CCDC102B: variants seen among roughly 807,000 people sequenced by gnomAD.
CCDC102B encodes coiled-coil domain-containing protein 102B.
Under a neutral mutation model 57.4 loss-of-function variants are expected in CCDC102B, and 75 were observed. The ratio of observed to expected loss-of-function variants is 1.31; its 90% CI spans 1.08 to 1.58. The LOEUF (loss-of-function observed/expected upper bound fraction) is 1.58, where lower values mean the gene tolerates loss of function less well. Ranked by LOEUF, CCDC102B falls within the 40% of genes most tolerant of loss-of-function variation. The pLI, the probability that CCDC102B is intolerant of heterozygous loss-of-function variation, is 0.00. For synonymous variants in CCDC102B, 206 were observed against 201.9 expected, an observed-to-expected ratio of 1.02 and a Z score of -0.17; for missense variants, 636 against 582.6, an observed-to-expected ratio of 1.09 and a Z score of -0.94.
chr18:69,006,804 AAT>A lies in CCDC102B; in HGVS notation c.1264-4129_1264-4128del, dbSNP rs1599838150. 3.9e-5 allele frequency among the ~76,000 whole-genome samples: 6 copies of A among 152,262 alleles called. No individual in the cohort carries two copies. The East Asian group carries it at 1.2e-3, about 29-fold the overall frequency. ...CTGAAAGTAAAATAGAGAGGATATG[AAT>A]TAATGGATCAAAATGTCAAATAACT... On this transcript the variant is annotated intron_variant, in intron 6 of 7. Transcript: ENST00000360242.
chr18:68,718,230 A>G (rs374356037), intron 2 of CCDC102B: 1 of 152,268 alleles, frequency 6.6e-6, no homozygotes, highest in Non-Finnish European at 1.5e-5. Flanking sequence ...CTATAGCAGG[A>G]CAGTTTGTAA....
At chr18:69,031,365 A>T (rs2052139283) in intron 7 of CCDC102B, among the ~76,000 whole-genome samples, 1 of 151,244 alleles carries the variant, frequency 6.6e-6, no homozygotes, top group African/African-American at 2.4e-5. Context: ...CATAAAACTT[A>T]CTTATTTTCT....
At chr18:68,872,986 T>C (rs2051301) in intron 4 of CCDC102B, among the ~76,000 whole-genome samples, 47,286 of 152,046 alleles carry the variant, frequency 0.31, 7,758 homozygotes, top group South Asian at 0.41. Context: ...TATTATTGGA[T>C]TTAATTCCCT....
chr18:69,002,511 C>T (rs966409722), intron 6 of CCDC102B, among the ~76,000 whole-genome samples: 4 of 152,138 alleles, frequency 2.6e-5, no homozygotes, highest in African/African-American at 7.2e-5. Flanking sequence ...AATATGAACC[C>T]AGTCCTTGGC....
intron 6 of CCDC102B, among the ~76,000 whole-genome samples, chr18:68,998,310 TATACA>T (rs1417494748): frequency 3.0e-5 from 3 of 100,240 alleles, no homozygotes; most frequent in Admixed American, 1.2e-4. Flanking sequence ...TACACACATA[TATACA>T]CATGTGTCTC....
At chr18:68,727,433 T>C (rs1385844707) in intron 2 of CCDC102B, among the ~76,000 whole-genome samples, 1 of 152,244 alleles carries the variant, frequency 6.6e-6, no homozygotes, top group African/African-American at 2.4e-5. Context: ...CTACCTCTTA[T>C]GTCATGAGTA....
At chr18:68,975,059 C>T (rs1426044573) in intron 6 of CCDC102B, among the ~76,000 whole-genome samples, 1 of 151,976 alleles carries the variant, frequency 6.6e-6, no homozygotes, top group Non-Finnish European at 1.5e-5. Flanking sequence ...CATCTCCCAA[C>T]AGGCAAACAA....
At chr18:68,724,919 G>A (rs760225871) in intron 2 of CCDC102B, among the ~76,000 whole-genome samples, 2 of 152,124 alleles carry the variant, frequency 1.3e-5, no homozygotes, top group Non-Finnish European at 2.9e-5. Context: ...CTCTTGCTGC[G>A]ATGAGGAAAT....
intron 2 of CCDC102B, among the ~76,000 whole-genome samples, chr18:68,746,775 G>T (rs1178568305): frequency 6.6e-6 from 1 of 151,266 alleles, no homozygotes; most frequent in African/African-American, 2.4e-5. Context: ...ATATAATTGA[G>T]ATATAAAAAC....
At chr18:68,960,880 G>A (rs1015087898) in intron 6 of CCDC102B, among the ~76,000 whole-genome samples, 2 of 152,106 alleles carry the variant, frequency 1.3e-5, no homozygotes, top group African/African-American at 2.4e-5. Context: ...TGGGGAAGGT[G>A]GTGTTAGCAA....
At chr18:68,789,374 C>G (rs1485655979) in intron 2 of CCDC102B, among the ~76,000 whole-genome samples, 1 of 152,086 alleles carries the variant, frequency 6.6e-6, no homozygotes, top group South Asian at 2.1e-4. Flanking sequence ...TGAACGTTGG[C>G]CTGCTTTGCT....
chr18:68,994,303 A>G (rs1394254431), intron 6 of CCDC102B, among the ~76,000 whole-genome samples: 4 of 152,196 alleles, frequency 2.6e-5, no homozygotes, highest in Non-Finnish European at 5.9e-5. Flanking sequence ...TATTCATTGT[A>G]TATTTGTAAA....
Position 69,051,237 on chromosome 18 carries a change from A to AT in CCDC102B, c.1435-2786dup, listed in dbSNP as rs199976040. Reference sequence around the variant, plus strand: ...CAACAAAACTTATAAAATACATTTTATTTTTTTGGAAAAATAACTTTAAAG... The same window carrying AT: ...CAACAAAACTTATAAAATACATTTTATTTTTTTTGGAAAAATAACTTTAAAG... On this transcript the variant is annotated intron_variant, in intron 7 of 7. Transcript: ENST00000360242. Among the ~76,000 whole-genome samples, 1,348 of 137,458 alleles carry AT rather than the reference A, an allele frequency of 9.8e-3. 17 individuals carry two copies. The highest frequency in any genetic ancestry group is 0.015 in the South Asian group (72 of 4,814). 90.2% of individuals were successfully genotyped at this position (137,458 alleles called of 152,430 possible). A position where few individuals can be genotyped will look rare whatever the true frequency, so the allele number is the denominator to read the frequency against.
chr18:68,839,815 G>A (rs531259407), intron 3 of CCDC102B, among the ~76,000 whole-genome samples: 9 of 152,112 alleles, frequency 5.9e-5, no homozygotes, highest in Non-Finnish European at 8.8e-5. Context: ...AGAAGAAAAC[G>A]CCATTTGAAT....
At chr18:68,857,578 A>G (rs2038536888) in intron 4 of CCDC102B, among the ~76,000 whole-genome samples, 1 of 150,924 alleles carries the variant, frequency 6.6e-6, no homozygotes, top group Non-Finnish European at 1.5e-5. Flanking sequence ...GCTCAATACA[A>G]AACCATATGC....
intron 2 of CCDC102B, among the ~76,000 whole-genome samples, chr18:68,764,014 T>C (rs2034343876): frequency 6.6e-6 from 1 of 152,084 alleles, no homozygotes. Context: ...CTTTTTTTAA[T>C]CAGGAAATTG....
chr18:68,885,017 A>T (rs1252258506), intron 5 of CCDC102B, among the ~76,000 whole-genome samples: 3 of 151,950 alleles, frequency 2.0e-5, no homozygotes, highest in Non-Finnish European at 2.9e-5. Context: ...ATTTATTTTT[A>T]AAAAATAATT....
At position 69,049,731 on chromosome 18, in the gene CCDC102B, A is replaced by AT. The variant is rs1408932387; in HGVS notation, c.1435-4292dup. ...TCAAGTAAGATACTTTTTGTTGTGG[A>AT]TTTTTTTCCTAAAAAGCAGTTCAAA... On this transcript the variant is annotated intron_variant, in intron 7 of 7. Coordinates refer to ENST00000360242, the MANE Select transcript of CCDC102B (RefSeq NM_024781.3). 2.7e-5 allele frequency among the ~76,000 whole-genome samples: 4 copies of AT among 150,290 alleles called. No individual in the cohort carries two copies. The East Asian group carries it at 5.8e-4, about 22-fold the overall frequency.
intron 6 of CCDC102B, among the ~76,000 whole-genome samples, chr18:68,974,310 G>C (rs1402795601): frequency 6.6e-6 from 1 of 151,912 alleles, no homozygotes; most frequent in Non-Finnish European, 1.5e-5. Flanking sequence ...AGTGTTCAAG[G>C]GACCATGTTA....
Sources: gnomAD v4.1 joint callset for allele counts (sites outside exome capture counted in the v4.1 genomes callset) on GRCh38, gnomAD v4.1.1 for gene constraint, MANE v1.5 for transcripts, NCBI Gene and HGNC (gene_info 2026-07-23, HGNC 2026-07-21) for gene names.